Variants in MACF1 observed in about 807,000 individuals in gnomAD.
MACF1 encodes microtubule actin crosslinking factor 1, also known as microtubule-actin cross-linking factor 1.
In MACF1, 193 loss-of-function variants were observed where a neutral mutation model predicts 854.8. That is an observed-to-expected ratio of 0.23 (90% CI 0.20 to 0.25). The LOEUF is 0.25. Among genes scored for constraint, MACF1 ranks in the 10% least tolerant of loss-of-function variants. The pLI is 1.00. For missense variants in MACF1, 7,722 were observed against 8,929.1 expected, an observed-to-expected ratio of 0.86 and a Z score of 5.45; for synonymous variants, 3,185 against 3,226.7, an observed-to-expected ratio of 0.99 and a Z score of 0.44.
intron 1 of MACF1, among the ~76,000 whole-genome samples, chr1:39,228,391 T>G (rs140681603): frequency 1.4e-4 from 22 of 152,182 alleles, no homozygotes; most frequent in African/African-American, 5.1e-4. Context: ...GGAAGAGAAG[T>G]AGCCAGTCAT....
Position 39,317,248 on chromosome 1 carries a change from T to C in MACF1, c.3623T>C (p.Val1208Ala). The C allele has an allele frequency of 6.2e-7, 1 of 1,614,020 alleles. No homozygotes were observed. Among genetic ancestry groups the C allele is most frequent in the Non-Finnish European group, 8.5e-7 (1 of 1,179,982 alleles). The change falls in exon 29 of 101, where the codon GTG becomes GCG. Residue 1208 changes from valine (V) to alanine (A), a missense_variant. Val to Ala is a moderately conservative substitution (Grantham distance 64, BLOSUM62 0). Around this residue, in one of 15 missense-constraint regions of MACF1, gnomAD observed 1,137 missense variants for 1,263.0 expected, o/e 0.90. Coordinates refer to ENST00000564288, the MANE Select transcript of MACF1 (RefSeq NM_001394062.1). Reference sequence around the variant, plus strand: ...AGTGATGTGAAGGACAAGAATTCAGTGTTTTCAGTCCTGGATGAGGAAATT... The same window carrying C: ...AGTGATGTGAAGGACAAGAATTCAGCGTTTTCAGTCCTGGATGAGGAAATT... ...WLSDVKDKNS[V>A]FSVLDEEIAK...
chr1:39,390,180 T>C (rs1641976059), intron 58 of MACF1, among the ~76,000 whole-genome samples: 1 of 152,244 alleles, frequency 6.6e-6, no homozygotes, highest in Non-Finnish European at 1.5e-5. Flanking sequence ...GAAAGGATAC[T>C]TTCAGCACTT....
chr1:39,446,696 G>A (rs1448332824), intron 80 of MACF1, among the ~76,000 whole-genome samples: 2 of 152,126 alleles, frequency 1.3e-5, no homozygotes, highest in Non-Finnish European at 2.9e-5. Context: ...GGGGGCCAGA[G>A]GCAGAAGTCA....
chr1:39,438,468 A>G (rs1023231109), intron 71 of MACF1, among the ~76,000 whole-genome samples: 1 of 152,212 alleles, frequency 6.6e-6, no homozygotes, highest in Non-Finnish European at 1.5e-5. Flanking sequence ...ATACCAATGT[A>G]AGAGGAAAAC....
At chr1:39,349,384 G>A in intron 41 of MACF1, 94 bp from the exon 42 acceptor site, 1 of 1,333,444 alleles carries the variant, frequency 7.5e-7, no homozygotes, top group Non-Finnish European at 1.0e-6. Flanking sequence ...CCATCCTTGA[G>A]ATATAACCTT....
chr1:39,182,073 C>A (rs1036280047), intron 2 of MACF1, among the ~76,000 whole-genome samples: 1 of 151,624 alleles, frequency 6.6e-6, no homozygotes, highest in Non-Finnish European at 1.5e-5. Flanking sequence ...ATCGCTTGAA[C>A]CCGGGAGGCA....
intron 70 of MACF1, 134 bp from the exon 71 acceptor site, chr1:39,437,643 A>G (rs1241275788): frequency 2.5e-6 from 2 of 788,960 alleles, no homozygotes; most frequent in Non-Finnish European, 4.4e-6. Flanking sequence ...CTCAACACTT[A>G]ATAGCCATTG....
At chr1:39,260,164 A>G in intron 6 of MACF1, among the ~76,000 whole-genome samples, 1 of 152,152 alleles carries the variant, frequency 6.6e-6, no homozygotes, top group East Asian at 1.9e-4. Context: ...GAGGCTTTCA[A>G]GTTGACTCTG....
chr1:39,159,064 C>T (rs1042370081), intron 2 of MACF1, among the ~76,000 whole-genome samples: 1 of 152,142 alleles, frequency 6.6e-6, no homozygotes, highest in Non-Finnish European at 1.5e-5. Flanking sequence ...CCTTGCTGAT[C>T]GTGTGAGCAC....
chr1:39,250,139 GC>G, intron 3 of MACF1, 36 bp downstream of exon 3: 2 of 1,419,670 alleles, frequency 1.4e-6, no homozygotes, highest in Non-Finnish European at 2.0e-6. Flanking sequence ...CACAATTGTG[GC>G]CCTACAAATG....
chr1:39,382,294 T>A, intron 56 of MACF1, 142 bp downstream of exon 56: 1 of 737,834 alleles, frequency 1.4e-6, no homozygotes, highest in Non-Finnish European at 2.2e-6. Flanking sequence ...TATAAGGTGT[T>A]AATCATGGTG....
At chr1:39,122,303 G>A (rs1642736207) in intron 2 of MACF1, among the ~76,000 whole-genome samples, 2 of 147,900 alleles carry the variant, frequency 1.4e-5, no homozygotes, top group South Asian at 4.3e-4. Context: ...CACTCAGGCT[G>A]GAGTACAGTG....
intron 2 of MACF1, among the ~76,000 whole-genome samples, chr1:39,183,499 T>C (rs1000782466): frequency 6.6e-6 from 1 of 152,194 alleles, no homozygotes; most frequent in Non-Finnish European, 1.5e-5. Flanking sequence ...TGTCACTGTC[T>C]TGAGCAGGCA....
chr1:39,251,708 G>C (rs1243188462), intron 3 of MACF1, 138 bp from the exon 4 acceptor site: 3 of 440,080 alleles, frequency 6.8e-6, no homozygotes, highest in African/African-American at 2.0e-5. Flanking sequence ...ATTTAGTTTT[G>C]TATCTTTTTC....
rs746854578 is a variant in MACF1, at chr1:39,412,432, G to C, written c.15817-9942G>C. ...TTGTGATGAGGATGGTGAGGCAAAAGAGCTGGATTATCAAGCCACACTTTT... is the reference window on the plus strand; with the variant it reads ...TTGTGATGAGGATGGTGAGGCAAAACAGCTGGATTATCAAGCCACACTTTT... On this transcript the variant is annotated intron_variant, in intron 58 of 100. Coordinates refer to ENST00000564288, the MANE Select transcript of MACF1 (RefSeq NM_001394062.1). 5.0e-6 allele frequency: 8 copies of C among 1,613,930 alleles called. No homozygotes were observed. In the Admixed American group the frequency reaches 1.0e-4, roughly 20 times the overall value.
At chr1:39,293,251 C>G (rs1645832233) in intron 17 of MACF1, among the ~76,000 whole-genome samples, 1 of 152,118 alleles carries the variant, frequency 6.6e-6, no homozygotes, top group Admixed American at 6.5e-5. Context: ...ACCACAAAGG[C>G]CTTATGAATT....
chr1:39,129,548 T>C (rs1255730333), intron 2 of MACF1, among the ~76,000 whole-genome samples: 2 of 152,160 alleles, frequency 1.3e-5, no homozygotes, highest in African/African-American at 2.4e-5. Context: ...TTAGGTTAGA[T>C]TTAGGAAATC....
intron 74 of MACF1, 117 bp downstream of exon 74, chr1:39,441,442 A>G (rs1644115042): frequency 1.3e-6 from 1 of 774,078 alleles, no homozygotes; most frequent in South Asian, 1.8e-5. Context: ...GACCTAAGAT[A>G]GTGGTGTTTC....
At position 39,322,674 on chromosome 1, in the gene MACF1, C is replaced by T. The variant is rs557490253; in HGVS notation, c.4096C>T (p.Arg1366Cys). The change falls in exon 32 of 101, where the codon CGC becomes TGC. Residue 1366 changes from arginine (R) to cysteine (C), a missense_variant. This residue lies in a region of MACF1 where 1,137 missense variants were observed against 1,263.0 expected (regional missense o/e 0.90). Coordinates refer to ENST00000564288, the MANE Select transcript of MACF1 (RefSeq NM_001394062.1). ...VESQQKSPGK[R>C]RRMLSSSDAI... is the part of the protein sequence containing the mutation. The stretch of plus-strand genomic sequence containing the variant: ...ATCGCAGCAGAAATCCCCTGGCAAG[C>T]GCCGTCGCATGCTTTCCTCTTCAGA... 10 of 1,614,110 alleles carry T rather than the reference C, an allele frequency of 6.2e-6. No individual in the cohort carries two copies. Among genetic ancestry groups the T allele is most frequent in the African/African-American group, 2.7e-5 (2 of 75,020 alleles).
Sources: gnomAD v4.1 joint callset for allele counts (sites outside exome capture counted in the v4.1 genomes callset) on GRCh38, gnomAD v4.1.1 for gene constraint, gnomAD v4.1.1 regional missense constraint, MANE v1.5 for transcripts, NCBI Gene and HGNC (gene_info 2026-07-23, HGNC 2026-07-21) for gene names.